Variants in SH3PXD2B observed in about 807,000 individuals in gnomAD.
SH3PXD2B encodes the protein SH3 and PX domain-containing protein 2B.
Under a neutral mutation model 73.1 loss-of-function variants are expected in SH3PXD2B, and 37 were observed. The observed-to-expected ratio is 0.51, with a 90% CI of 0.39 to 0.67. The LOEUF (loss-of-function observed/expected upper bound fraction) is 0.67, where lower values mean the gene tolerates loss of function less well. SH3PXD2B is among the 30% of genes least tolerant of loss of function. The pLI is 0.00. For missense variants in SH3PXD2B, 1,053 were observed against 1,197.8 expected, an observed-to-expected ratio of 0.88 and a Z score of 1.78; for synonymous variants, 457 against 480.5, an observed-to-expected ratio of 0.95 and a Z score of 0.64.
At chr5:172,327,879 C>T (rs994200166) in intron 12 of SH3PXD2B, among the ~76,000 whole-genome samples, 3 of 151,888 alleles carry the variant, frequency 2.0e-5, no homozygotes, top group Admixed American at 1.3e-4. Flanking sequence ...CTCAGCCGCC[C>T]GAGTAGCTGG....
chr5:172,349,381 A>G (rs1757105045), intron 10 of SH3PXD2B, among the ~76,000 whole-genome samples: 1 of 152,258 alleles, frequency 6.6e-6, no homozygotes. Context: ...CCTGGGCACC[A>G]GCGTGCCCAT....
chr5:172,338,190 C>A lies in SH3PXD2B; in HGVS notation c.*179G>T. ...TGATGCTGTGATAGGAGGGATCAGG[C>A]CCAGGGGCGCCCGAGGTGTCCGAAA... On this transcript the variant is annotated 3_prime_UTR_variant, in exon 13 of 13. Transcript: ENST00000311601. This position sits in a 1 kb window ranked among gnomAD's most constrained non-coding sequence, Gnocchi z 5.1. The A allele has an allele frequency of 6.7e-7, 1 of 1,493,272 alleles. No homozygotes were observed. Among genetic ancestry groups the A allele is most frequent in the Non-Finnish European group, 8.9e-7 (1 of 1,124,020 alleles). 92.5% of individuals were successfully genotyped at this position (1,493,272 alleles called of 1,614,324 possible).
At chr5:172,443,505 C>T (rs965073892) in intron 1 of SH3PXD2B, among the ~76,000 whole-genome samples, 5 of 152,230 alleles carry the variant, frequency 3.3e-5, no homozygotes, top group East Asian at 1.9e-4. Flanking sequence ...CCAGCAGGAA[C>T]GGGTACTCCA....
Position 172,338,199 on chromosome 5 carries a change from G to A in SH3PXD2B, c.*170C>T, listed in dbSNP as rs538040509. 8.6e-6 allele frequency: 13 copies of A among 1,504,028 alleles called. No homozygotes were observed. The highest frequency in any genetic ancestry group is 2.7e-5 in the South Asian group (2 of 75,218). 93.2% of individuals were successfully genotyped at this position (1,504,028 alleles called of 1,614,324 possible). A position where few individuals can be genotyped will look rare whatever the true frequency, so the allele number is the denominator to read the frequency against. ...GATAGGAGGGATCAGGCCCAGGGGCGCCCGAGGTGTCCGAAACTCACTCTC... is the reference window on the plus strand; with the variant it reads ...GATAGGAGGGATCAGGCCCAGGGGCACCCGAGGTGTCCGAAACTCACTCTC... On this transcript the variant is annotated 3_prime_UTR_variant, in exon 13 of 13. Transcript: ENST00000311601. The surrounding 1 kb of genome is among the most constrained non-coding windows in gnomAD (Gnocchi z 5.1).
In SH3PXD2B at chr5:172,339,460, GCTGC is replaced by G; in HGVS notation, c.1641_1644del (p.Glu547AspfsTer12). ...GGAGGCTTGGGAGTGGGGCCCCGGAGCTGCTCCGTCCTCTGCCGCTCCCGCTCCC... is the reference window on the plus strand; with the variant it reads ...GGAGGCTTGGGAGTGGGGCCCCGGAGTCCGTCCTCTGCCGCTCCCGCTCCC... On this transcript the variant is annotated frameshift_variant, in exon 13 of 13. Coordinates refer to ENST00000311601, the MANE Select transcript of SH3PXD2B (RefSeq NM_001017995.3). LOFTEE classifies it high-confidence loss of function. The surrounding 1 kb of genome is among the most constrained non-coding windows in gnomAD (Gnocchi z 6.1). The G allele has an allele frequency of 6.2e-7, 1 of 1,613,958 alleles. No individual in the cohort carries two copies. Among genetic ancestry groups the G allele is most frequent in the Non-Finnish European group, 8.5e-7 (1 of 1,179,940 alleles).
chr5:172,412,867 G>A (rs1758733582), intron 2 of SH3PXD2B, among the ~76,000 whole-genome samples: 1 of 152,234 alleles, frequency 6.6e-6, no homozygotes, highest in African/African-American at 2.4e-5. Flanking sequence ...ACTGGAAACT[G>A]AAGAGGAAGA....
chr5:172,422,488 G>A lies in SH3PXD2B; in HGVS notation c.84C>T (p.Ile28=). The A allele has an allele frequency of 6.2e-7, 1 of 1,611,866 alleles. No homozygotes were observed. The highest frequency in any genetic ancestry group is 1.1e-5 in the South Asian group (1 of 90,536). Residue 28 remains isoleucine, a synonymous_variant, in exon 2 of 13, where the codon ATC becomes ATT. Transcript: ENST00000311601. ...AGCCGCTGGACCACGTGACCCGGATGATGTAGACCTGCGGGAGCAACAGAG... is the reference window on the plus strand; with the variant it reads ...AGCCGCTGGACCACGTGACCCGGATAATGTAGACCTGCGGGAGCAACAGAG... ...RRVPNKHYVY[I]IRVTWSSGST... is the part of the protein sequence containing the mutation.
chr5:172,412,173 A>G (rs1028904861), intron 2 of SH3PXD2B, among the ~76,000 whole-genome samples: 2 of 152,056 alleles, frequency 1.3e-5, no homozygotes, highest in Admixed American at 1.3e-4. Context: ...ATAATATTTG[A>G]TTGTGAGGCT....
intron 12 of SH3PXD2B, among the ~76,000 whole-genome samples, chr5:172,342,143 G>C (rs564539449): frequency 3.8e-4 from 58 of 152,294 alleles, no homozygotes; most frequent in African/African-American, 1.3e-3. Context: ...CAAACCTGCT[G>C]ACACCTTGAT....
At chr5:172,355,294 C>T (rs543206425) in intron 8 of SH3PXD2B, among the ~76,000 whole-genome samples, 8 of 152,324 alleles carry the variant, frequency 5.3e-5, no homozygotes, top group Admixed American at 2.6e-4. Context: ...CGGCGGGGGC[C>T]GAGCTGACTC....
At chr5:172,403,623 G>C (rs957458377) in intron 3 of SH3PXD2B, among the ~76,000 whole-genome samples, 4 of 152,238 alleles carry the variant, frequency 2.6e-5, no homozygotes, top group Non-Finnish European at 4.4e-5. Context: ...AAGAGCTTGG[G>C]AGAGGGTCGG....
In SH3PXD2B at chr5:172,394,566, A is replaced by G. The variant is rs1456698558; in HGVS notation, c.306T>C (p.Cys102=). 1.2e-6 allele frequency: 2 copies of G among 1,614,142 alleles called. No individual in the cohort carries two copies. The highest frequency in any genetic ancestry group is 2.2e-5 in the South Asian group (2 of 91,080). ...VKRLIPIDEY[C]KALIQLPPYI... is the part of the protein sequence containing the mutation. ...CGTGGGCATTTCTCAGCCTTACCTT[A>G]CAGTATTCATCAATTGGTATCAGGC... Residue 102 remains cysteine, a synonymous_variant, in exon 4 of 13, where the codon TGT becomes TGC. Transcript: ENST00000311601.
chr5:172,419,789 G>T (rs1758916277), intron 2 of SH3PXD2B, among the ~76,000 whole-genome samples: 1 of 152,188 alleles, frequency 6.6e-6, no homozygotes, highest in Non-Finnish European at 1.5e-5. Flanking sequence ...ACAATCAGGT[G>T]TTATTGTTCT....
intron 12 of SH3PXD2B, among the ~76,000 whole-genome samples, chr5:172,343,645 A>G (rs1434434939): frequency 1.3e-5 from 2 of 152,098 alleles, no homozygotes; most frequent in African/African-American, 4.8e-5. Flanking sequence ...TACTAAAAAT[A>G]CAAAAAAAAA....
chr5:172,437,710 G>A (rs906137278), intron 1 of SH3PXD2B, among the ~76,000 whole-genome samples: 3 of 152,210 alleles, frequency 2.0e-5, no homozygotes, highest in Non-Finnish European at 4.4e-5. Flanking sequence ...GTGAATGCTT[G>A]GATTAGGGCC....
chr5:172,382,708 C>T (rs952052278), intron 4 of SH3PXD2B, among the ~76,000 whole-genome samples: 1 of 152,040 alleles, frequency 6.6e-6, no homozygotes, highest in Non-Finnish European at 1.5e-5. Flanking sequence ...TATAAATTGT[C>T]AACTTCATGC....
Position 172,338,778 on chromosome 5 carries a change from G to A in SH3PXD2B, c.2327C>T (p.Pro776Leu). The A allele has an allele frequency of 6.2e-7, 1 of 1,614,218 alleles. No individual in the cohort carries two copies. The highest frequency in any genetic ancestry group is 8.5e-7 in the Non-Finnish European group (1 of 1,180,040). Residue 776 changes from proline (P) to leucine (L), a missense_variant, in exon 13 of 13, where the codon CCA (proline) becomes CTA (leucine). Coordinates refer to ENST00000311601, the MANE Select transcript of SH3PXD2B (RefSeq NM_001017995.3). The surrounding 1 kb of genome is among the most constrained non-coding windows in gnomAD (Gnocchi z 5.1). ...TTCACACTGTGGACCTCTGACCTCT[G>A]GGAGCGGCCTGGATGACGAAGAGGT... ...KKTSSSSRPLPEVRGPQCEGH... is the reference protein window; with the variant it reads ...KKTSSSSRPLLEVRGPQCEGH...
intron 1 of SH3PXD2B, among the ~76,000 whole-genome samples, chr5:172,447,311 T>G (rs1339813217): frequency 1.3e-5 from 2 of 152,214 alleles, no homozygotes; most frequent in Non-Finnish European, 2.9e-5. Flanking sequence ...CATGCTATTT[T>G]GCAAACCAGC....
At chr5:172,416,630 CT>C (rs144781943) in intron 2 of SH3PXD2B, among the ~76,000 whole-genome samples, 54,238 of 111,004 alleles carry the variant, frequency 0.49, 13,727 homozygotes, top group East Asian at 0.7. Flanking sequence ...CCGGCCTCTA[CT>C]TTTTTTTTTT....
Sources: gnomAD v4.1 joint callset for allele counts (sites outside exome capture counted in the v4.1 genomes callset) on GRCh38, gnomAD v4.1.1 for gene constraint, Gnocchi (gnomAD v3.1) non-coding constraint, MANE v1.5 for transcripts, NCBI Gene and HGNC (gene_info 2026-07-23, HGNC 2026-07-21) for gene names.